Variants in PJA2 observed in about 807,000 individuals in gnomAD.
PJA2 encodes the protein praja ring finger ubiquitin ligase 2, also known as E3 ubiquitin-protein ligase Praja-2.
A neutral mutation model predicts 69.3 loss-of-function variants in PJA2; 25 were observed. The ratio of observed to expected loss-of-function variants is 0.36; its 90% CI spans 0.26 to 0.50. PJA2 has a LOEUF of 0.50. Ranked by LOEUF, PJA2 falls within the 20% of genes least tolerant of loss-of-function variation. The pLI, the probability that PJA2 is intolerant of heterozygous loss-of-function variation, is 0.96. For missense variants in PJA2, 809 were observed against 830.2 expected (o/e 0.97, Z 0.31); for synonymous variants, 308 against 277.8 (o/e 1.11, Z -1.08).
chr5:109,393,975 A>G (rs1288936031), intron 1 of PJA2, among the ~76,000 whole-genome samples: 1 of 152,052 alleles, frequency 6.6e-6, no homozygotes, highest in East Asian at 1.9e-4. Flanking sequence ...AGGATGACAA[A>G]ATGCTGAAGA....
intron 1 of PJA2, among the ~76,000 whole-genome samples, chr5:109,388,333 G>C (rs1202654248): frequency 1.3e-5 from 2 of 152,138 alleles, no homozygotes; most frequent in African/African-American, 4.8e-5. Flanking sequence ...TTACCCTTCA[G>C]ATGACTGCAG....
chr5:109,353,426 TTAGA>T, intron 7 of PJA2, among the ~76,000 whole-genome samples: 1 of 50,992 alleles, frequency 2.0e-5, no homozygotes, highest in African/African-American at 5.0e-5. Flanking sequence ...CATCTATATA[TTAGA>T]TACCTATATA....
chr5:109,393,007 T>C (rs1045976789), intron 1 of PJA2, among the ~76,000 whole-genome samples: 1 of 152,068 alleles, frequency 6.6e-6, no homozygotes, highest in Non-Finnish European at 1.5e-5. Flanking sequence ...AACTGCAAAA[T>C]GGAATTTAAA....
intron 9 of PJA2, among the ~76,000 whole-genome samples, chr5:109,338,812 A>G (rs978060161): frequency 6.6e-6 from 1 of 152,176 alleles, no homozygotes. Context: ...AAACGGGAAT[A>G]AAGATAACAA....
chr5:109,354,014 A>G (rs933101753), intron 7 of PJA2, among the ~76,000 whole-genome samples: 2 of 144,382 alleles, frequency 1.4e-5, no homozygotes, highest in South Asian at 2.3e-4. Context: ...TCTATAGATT[A>G]GATATCTATG....
chr5:109,405,853 C>A (rs1244209565), intron 1 of PJA2, among the ~76,000 whole-genome samples: 1 of 151,630 alleles, frequency 6.6e-6, no homozygotes, highest in African/African-American at 2.4e-5. Flanking sequence ...CACAGAAGCA[C>A]AAATCATAAG....
rs556506115 is a variant in PJA2 at position 109,354,959 on chromosome 5, C to A, written c.1764+956G>T. On this transcript the variant is annotated intron_variant, in intron 7 of 9. Transcript: ENST00000361189. The stretch of plus-strand genomic sequence containing the variant: ...ATTGGACCCTATCTCTACCAAAAAA[C>A]CCCACAAAAAACCAAAACCAGGTCT... Among the ~76,000 whole-genome samples the A allele has an allele frequency of 4.6e-5, 7 of 151,634 alleles. No individual in the cohort carries two copies. The East Asian group carries it at 9.8e-4, about 21-fold the overall frequency.
At chr5:109,386,120 C>CAA (rs749106741) in intron 1 of PJA2, among the ~76,000 whole-genome samples, 13 of 112,118 alleles carry the variant, frequency 1.2e-4, no homozygotes, top group Non-Finnish European at 1.5e-4. Context: ...GACTCTGTCT[C>CAA]AAAAAAAAAA....
chr5:109,342,844 C>G (rs1301527614), intron 9 of PJA2, among the ~76,000 whole-genome samples: 249 of 50,166 alleles, frequency 5.0e-3, no homozygotes, highest in African/African-American at 0.03. Flanking sequence ...GGGTCAGCCC[C>G]CCGCCCGGCC....
intron 1 of PJA2, among the ~76,000 whole-genome samples, chr5:109,392,149 TA>T (rs1439292225): frequency 3.3e-5 from 5 of 152,068 alleles, no homozygotes; most frequent in African/African-American, 1.2e-4. Context: ...AAGTTATCAC[TA>T]AAAAGAACAA....
At chr5:109,405,230 A>C (rs915793105) in intron 1 of PJA2, among the ~76,000 whole-genome samples, 1 of 152,236 alleles carries the variant, frequency 6.6e-6, no homozygotes, top group Non-Finnish European at 1.5e-5. Flanking sequence ...ATCCAACAAA[A>C]TGAGCAACAT....
intron 4 of PJA2, among the ~76,000 whole-genome samples, chr5:109,377,642 C>T (rs1013827736): frequency 6.6e-6 from 1 of 152,038 alleles, no homozygotes; most frequent in African/African-American, 2.4e-5. Context: ...ATGCTCTGTG[C>T]CTCAGTTTCC....
chr5:109,381,750 AT>A, intron 2 of PJA2, 47 bp from the exon 3 acceptor site: 1 of 1,540,900 alleles, frequency 6.5e-7, no homozygotes, highest in Non-Finnish European at 8.9e-7. Flanking sequence ...AATGAGCTTT[AT>A]TCTTGCAACC....
In PJA2 at chr5:109,388,100, T is replaced by C. The variant is rs536146068; in HGVS notation, c.-87-4580A>G. Among the ~76,000 whole-genome samples, 79 of 152,292 alleles carry C rather than the reference T, an allele frequency of 5.2e-4. 1 individual carries two copies. Among genetic ancestry groups the C allele is most frequent in the Admixed American group, 5.1e-3 (78 of 15,294 alleles). Reference sequence around the variant, plus strand: ...ACAGTGTGATGGATGTGACTGTGTGTGATGTGCAAGAATAGGGTAATAAAA... The same window carrying C: ...ACAGTGTGATGGATGTGACTGTGTGCGATGTGCAAGAATAGGGTAATAAAA... On this transcript the variant is annotated intron_variant, in intron 1 of 9. Coordinates refer to ENST00000361189, the MANE Select transcript of PJA2 (RefSeq NM_014819.5).
intron 1 of PJA2, among the ~76,000 whole-genome samples, chr5:109,406,476 T>C (rs1747695853): frequency 6.6e-6 from 1 of 152,190 alleles, no homozygotes; most frequent in South Asian, 2.1e-4. Context: ...AGTATGATAC[T>C]ACTATATACC....
At chr5:109,383,062 T>C (rs756525239) in intron 2 of PJA2, among the ~76,000 whole-genome samples, 22 of 152,236 alleles carry the variant, frequency 1.4e-4, no homozygotes, top group Non-Finnish European at 2.1e-4. Flanking sequence ...ATTTTAAAAA[T>C]TGAAAAATTA....
chr5:109,382,780 G>A (rs919644127), intron 2 of PJA2, among the ~76,000 whole-genome samples: 5 of 151,778 alleles, frequency 3.3e-5, no homozygotes, highest in Non-Finnish European at 7.4e-5. Context: ...CCCAGGAGGC[G>A]GAGGTTGCAG....
At chr5:109,368,478 T>C in intron 5 of PJA2, 83 bp downstream of exon 5, 1 of 1,258,174 alleles carries the variant, frequency 7.9e-7, no homozygotes, top group Admixed American at 2.2e-5. Context: ...ATAAATACAA[T>C]TAATGGCATA....
At chr5:109,353,485 TATTAG>T (rs1762315396) in intron 7 of PJA2, among the ~76,000 whole-genome samples, 1 of 102,966 alleles carries the variant, frequency 9.7e-6, no homozygotes, top group Admixed American at 1.1e-4. Context: ...ATATCTAATA[TATTAG>T]ATATCTATAA....
Sources: allele counts gnomAD v4.1 joint callset (sites outside exome capture counted in the v4.1 genomes callset), GRCh38; gene constraint gnomAD v4.1.1; transcripts MANE v1.5; gene names NCBI Gene and HGNC (gene_info 2026-07-23, HGNC 2026-07-21).